DOCK4: variants seen among roughly 807,000 people sequenced by gnomAD.
DOCK4 encodes the protein dedicator of cytokinesis protein 4.
Under a neutral mutation model 268.1 loss-of-function variants are expected in DOCK4, and 97 were observed. That is an observed-to-expected ratio of 0.36 (90% CI 0.31 to 0.43). DOCK4 has a LOEUF of 0.43. Ranked by LOEUF, DOCK4 falls within the 20% of genes least tolerant of loss-of-function variation. The pLI, the probability that DOCK4 is intolerant of heterozygous loss-of-function variation, is 1.00. For synonymous variants in DOCK4, 954 were observed against 887.2 expected (o/e 1.08, Z -1.34); for missense variants, 2,145 against 2,455.7 (o/e 0.87, Z 2.67).
intron 26 of DOCK4, among the ~76,000 whole-genome samples, chr7:111,833,086 G>C (rs989145202): frequency 6.6e-6 from 1 of 152,136 alleles, no homozygotes; most frequent in Non-Finnish European, 1.5e-5. Flanking sequence ...TGAAGTCATA[G>C]ACTTCTTAAG....
chr7:111,758,545 AAAT>A, intron 41 of DOCK4, 76 bp downstream of exon 41: 1 of 1,484,060 alleles, frequency 6.7e-7, no homozygotes. Context: ...TATTCTGAGT[AAAT>A]ATTTACCAAG....
intron 1 of DOCK4, among the ~76,000 whole-genome samples, chr7:112,093,555 T>G (rs1809833982): frequency 6.6e-6 from 1 of 152,140 alleles, no homozygotes; most frequent in Non-Finnish European, 1.5e-5. Flanking sequence ...AAGGCTGCTT[T>G]CCCTGTTTTA....
chr7:111,935,072 G>A (rs769098742), intron 12 of DOCK4, among the ~76,000 whole-genome samples: 1 of 151,214 alleles, frequency 6.6e-6, no homozygotes, highest in Non-Finnish European at 1.5e-5. Context: ...TCAACCTCCC[G>A]AGTAGCTGGG....
intron 1 of DOCK4, among the ~76,000 whole-genome samples, chr7:112,041,666 C>T (rs1174136160): frequency 1.3e-5 from 2 of 152,094 alleles, no homozygotes; most frequent in Non-Finnish European, 2.9e-5. Flanking sequence ...TTGAAAAAGA[C>T]TTTTTAGTAA....
At chr7:112,000,693 G>T (rs778823553) in intron 2 of DOCK4, among the ~76,000 whole-genome samples, 159 bp from the exon 3 acceptor site, 1 of 152,088 alleles carries the variant, frequency 6.6e-6, no homozygotes, top group Non-Finnish European at 1.5e-5. Context: ...AAAATAGCTC[G>T]AGTGACCAAA....
At chr7:111,845,667 C>T (rs1284009131) in intron 24 of DOCK4, among the ~76,000 whole-genome samples, 1 of 152,126 alleles carries the variant, frequency 6.6e-6, no homozygotes, top group African/African-American at 2.4e-5. Context: ...AGCTTTTTGG[C>T]TAGGATTTTA....
chr7:111,840,395 T>C (rs1249952281), intron 25 of DOCK4, among the ~76,000 whole-genome samples: 1 of 152,204 alleles, frequency 6.6e-6, no homozygotes, highest in East Asian at 1.9e-4. Context: ...CGAGTAAGCA[T>C]TTATAAATTG....
chr7:111,856,066 C>G (rs1484019623), intron 23 of DOCK4, among the ~76,000 whole-genome samples: 1 of 152,162 alleles, frequency 6.6e-6, no homozygotes, highest in African/African-American at 2.4e-5. Context: ...CACGGGGAGA[C>G]AGCAATTCCC....
intron 30 of DOCK4, among the ~76,000 whole-genome samples, chr7:111,805,733 T>C (rs1305670841): frequency 2.0e-5 from 3 of 152,178 alleles, no homozygotes; most frequent in Admixed American, 6.5e-5. Flanking sequence ...ACTTCAGAGG[T>C]AAACATCAAT....
chr7:111,948,643 A>G (rs1259412953), intron 8 of DOCK4, among the ~76,000 whole-genome samples: 3 of 151,006 alleles, frequency 2.0e-5, no homozygotes, highest in Non-Finnish European at 4.4e-5. Flanking sequence ...TGCCCAGGGT[A>G]GAGTGCAATG....
chr7:111,914,401 C>A (rs891516297), intron 13 of DOCK4, among the ~76,000 whole-genome samples: 25 of 152,168 alleles, frequency 1.6e-4, no homozygotes, highest in African/African-American at 6.0e-4. Flanking sequence ...CTGTTCCAAA[C>A]CCTCTAGCTG....
chr7:112,040,068 C>T (rs969775539), intron 1 of DOCK4, among the ~76,000 whole-genome samples: 8 of 152,136 alleles, frequency 5.3e-5, no homozygotes, highest in African/African-American at 1.9e-4. Context: ...TAGACTCTCT[C>T]TATATGTATA....
intron 9 of DOCK4, among the ~76,000 whole-genome samples, chr7:111,945,178 TTTTG>T (rs902233869): frequency 1.5e-4 from 23 of 151,900 alleles, no homozygotes; most frequent in African/African-American, 5.6e-4. Context: ...CAATCACTGG[TTTTG>T]TTTTTTGTTT....
intron 39 of DOCK4, among the ~76,000 whole-genome samples, chr7:111,762,777 T>TTTTTTTTTTTTTTTTTTTTTTTTTTTC: frequency 7.6e-6 from 1 of 131,470 alleles, no homozygotes; most frequent in Non-Finnish European, 1.6e-5. Context: ...TTTTTTTTTT[T>TTTTTTTTTTTTTTTTTTTTTTTTTTTC]TTTTTTTTTG....
intron 49 of DOCK4, among the ~76,000 whole-genome samples, chr7:111,737,233 T>C (rs1248445745): frequency 1.3e-5 from 2 of 152,174 alleles, no homozygotes; most frequent in Non-Finnish European, 2.9e-5. Flanking sequence ...AAATGGTAAA[T>C]GTTCATAATA....
intron 25 of DOCK4, among the ~76,000 whole-genome samples, chr7:111,836,832 A>C (rs957053720): frequency 6.6e-6 from 1 of 152,108 alleles, no homozygotes; most frequent in Non-Finnish European, 1.5e-5. Flanking sequence ...CTCCAAAATA[A>C]AGCATAGACA....
At chr7:111,850,527 CCT>C (rs1804464120) in intron 23 of DOCK4, among the ~76,000 whole-genome samples, 1 of 152,262 alleles carries the variant, frequency 6.6e-6, no homozygotes, top group South Asian at 2.1e-4. Flanking sequence ...CATCATACCC[CCT>C]GTGACCTGCA....
At chr7:112,014,821 C>A (rs768779257) in intron 1 of DOCK4, among the ~76,000 whole-genome samples, 6 of 152,088 alleles carry the variant, frequency 3.9e-5, no homozygotes, top group Non-Finnish European at 7.4e-5. Flanking sequence ...AGAAGGATTG[C>A]TTGAGCCCAG....
intron 1 of DOCK4, among the ~76,000 whole-genome samples, chr7:112,078,614 C>A (rs1178354957): frequency 1.3e-5 from 2 of 152,146 alleles, no homozygotes; most frequent in Non-Finnish European, 2.9e-5. Context: ...ACAGCTCCAA[C>A]CTTCTTCCCC....
Sources: gnomAD v4.1 joint callset for allele counts (sites outside exome capture counted in the v4.1 genomes callset) on GRCh38, gnomAD v4.1.1 for gene constraint, MANE v1.5 for transcripts, NCBI Gene and HGNC (gene_info 2026-07-23, HGNC 2026-07-21) for gene names.